CLSTN2: variants seen among roughly 807,000 people sequenced by gnomAD.
CLSTN2 encodes the protein calsyntenin 2.
A neutral mutation model predicts 101.2 loss-of-function variants in CLSTN2; 48 were observed. The ratio of observed to expected loss-of-function variants is 0.47; its 90% confidence interval spans 0.38 to 0.60. The LOEUF is 0.60. Among genes scored for constraint, CLSTN2 ranks in the 20% least tolerant of loss-of-function variants. The pLI, the probability that CLSTN2 is intolerant of heterozygous loss-of-function variation, is 0.00. For synonymous variants in CLSTN2, 481 were observed against 463.6 expected (o/e 1.04, Z -0.48); for missense variants, 1,160 against 1,238.2 (o/e 0.94, Z 0.95).
At chr3:140,082,000 C>T (rs1360069541) in intron 1 of CLSTN2, among the ~76,000 whole-genome samples, 1 of 152,144 alleles carries the variant, frequency 6.6e-6, no homozygotes, top group Non-Finnish European at 1.5e-5. Flanking sequence ...GAGTTAATGT[C>T]AAGCAGGGCA....
chr3:140,148,854 G>A (rs926457829), intron 1 of CLSTN2, among the ~76,000 whole-genome samples: 4 of 152,176 alleles, frequency 2.6e-5, no homozygotes, highest in Admixed American at 2.0e-4. Flanking sequence ...ACTTGGGACT[G>A]TTTCAGATGC....
At chr3:140,287,798 G>A (rs1237441198) in intron 2 of CLSTN2, among the ~76,000 whole-genome samples, 1 of 152,146 alleles carries the variant, frequency 6.6e-6, no homozygotes, top group African/African-American at 2.4e-5. Flanking sequence ...GATGGGCAGA[G>A]CCAGCATTCT....
At chr3:140,208,680 A>AATTCTAAGGTTGC (rs1448094110) in intron 2 of CLSTN2, among the ~76,000 whole-genome samples, 1 of 152,112 alleles carries the variant, frequency 6.6e-6, no homozygotes, top group African/African-American at 2.4e-5. Context: ...TGCAAATTTT[A>AATTCTAAGGTTGC]ATTCTAAGGT....
intron 2 of CLSTN2, among the ~76,000 whole-genome samples, chr3:140,377,211 G>A (rs978194346): frequency 6.6e-6 from 1 of 152,222 alleles, no homozygotes; most frequent in Non-Finnish European, 1.5e-5. Context: ...TTGTGGTGAT[G>A]TTGGTATAAA....
chr3:140,101,904 C>T (rs1476007666), intron 1 of CLSTN2, among the ~76,000 whole-genome samples: 1 of 152,184 alleles, frequency 6.6e-6, no homozygotes, highest in Non-Finnish European at 1.5e-5. Context: ...GACTGCAACT[C>T]AGTTGCAAGG....
intron 2 of CLSTN2, among the ~76,000 whole-genome samples, chr3:140,375,819 C>CT (rs2087911500): frequency 2.0e-5 from 3 of 152,104 alleles, no homozygotes; most frequent in South Asian, 4.2e-4. Context: ...CCTTTATTGT[C>CT]TTTTTTGCTC....
In CLSTN2 at chr3:140,170,128, A is replaced by T. The variant is rs867319480; in HGVS notation, c.110-5823A>T. 5.3e-5 allele frequency among the ~76,000 whole-genome samples: 8 copies of T among 152,332 alleles called. No homozygotes were observed. The South Asian group carries it at 1.0e-3, about 20-fold the overall frequency. On this transcript the variant is annotated intron_variant, in intron 1 of 16. Coordinates refer to ENST00000458420, the MANE Select transcript of CLSTN2 (RefSeq NM_022131.3). ...TGTGATGCAAGCTGTGATCATAGGAACATGATTCAGCCATTTGATGGAGTA... is the reference window on the plus strand; with the variant it reads ...TGTGATGCAAGCTGTGATCATAGGATCATGATTCAGCCATTTGATGGAGTA...
intron 8 of CLSTN2, among the ~76,000 whole-genome samples, chr3:140,497,893 G>T (rs1334435515): frequency 1.3e-5 from 2 of 152,106 alleles, no homozygotes; most frequent in Non-Finnish European, 2.9e-5. Context: ...TCCGGGAGGG[G>T]TCATACAATC....
At chr3:140,421,967 T>C (rs535043990) in intron 5 of CLSTN2, among the ~76,000 whole-genome samples, 98 of 152,312 alleles carry the variant, frequency 6.4e-4, no homozygotes, top group African/African-American at 2.3e-3. Flanking sequence ...GCTTTAGTGG[T>C]GATGCCAATA....
chr3:140,143,314 G>T (rs1307739820), intron 1 of CLSTN2, among the ~76,000 whole-genome samples: 1 of 152,106 alleles, frequency 6.6e-6, no homozygotes, highest in African/African-American at 2.4e-5. Flanking sequence ...GAAAGCTAGT[G>T]GTATAATTCA....
intron 5 of CLSTN2, among the ~76,000 whole-genome samples, chr3:140,422,310 A>G (rs978661159): frequency 2.0e-5 from 3 of 151,956 alleles, no homozygotes; most frequent in African/African-American, 4.8e-5. Context: ...CACCCTATAA[A>G]TCTCTGGTCA....
chr3:140,560,346 C>T lies in CLSTN2; in HGVS notation c.2041+1489C>T, dbSNP rs114741909. Among the ~76,000 whole-genome samples, 1,432 of 152,304 alleles carry T rather than the reference C, an allele frequency of 9.4e-3. 12 individuals are homozygous for T. The highest frequency in any genetic ancestry group is 0.015 in the Non-Finnish European group (1,003 of 68,032). The stretch of plus-strand genomic sequence containing the variant: ...TACCAAAGACAGGAGATTCCCCCAA[C>T]ATGCACACACACACGCCTCCCTCAC... On this transcript the variant is annotated intron_variant, in intron 12 of 16. Coordinates refer to ENST00000458420, the MANE Select transcript of CLSTN2 (RefSeq NM_022131.3).
In CLSTN2 at chr3:140,558,839, G is replaced by A. The variant is rs145894758; in HGVS notation, c.2023G>A (p.Gly675Arg). The change falls in exon 12 of 17, where the codon GGG becomes AGG. Residue 675 changes from glycine (G) to arginine (R), a missense_variant. Physicochemically the swap from Gly to Arg is moderately radical, Grantham distance 125 (BLOSUM62 -2). Coordinates refer to ENST00000458420, the MANE Select transcript of CLSTN2 (RefSeq NM_022131.3). ...CACCTTCGCCAAAACCGAAGCCCCC[G>A]GGGACGTGAAAACCACAGGTACAGG... The part of the protein sequence containing the change: ...VSTFAKTEAP[G>R]DVKTTDPKSE... The A allele has an allele frequency of 1.2e-4, 193 of 1,613,792 alleles. 2 individuals are homozygous for A. The South Asian group carries it at 1.7e-3, about 14-fold the overall frequency.
At chr3:140,268,118 C>T (rs1021745722) in intron 2 of CLSTN2, among the ~76,000 whole-genome samples, 2 of 152,152 alleles carry the variant, frequency 1.3e-5, no homozygotes, top group African/African-American at 4.8e-5. Flanking sequence ...GAACCGCTGG[C>T]TGCCCTCACA....
intron 1 of CLSTN2, among the ~76,000 whole-genome samples, chr3:140,067,523 G>T (rs1399002642): frequency 1.3e-5 from 2 of 152,192 alleles, no homozygotes; most frequent in East Asian, 1.9e-4. Context: ...CCTCGAGAAG[G>T]TCCATTCAAG....
intron 2 of CLSTN2, among the ~76,000 whole-genome samples, chr3:140,353,836 G>A (rs2087637263): frequency 6.6e-6 from 1 of 152,106 alleles, no homozygotes; most frequent in Non-Finnish European, 1.5e-5. Flanking sequence ...AATGCTAGGT[G>A]GTGTTGTCCA....
chr3:140,332,249 C>T (rs570966529), intron 2 of CLSTN2, among the ~76,000 whole-genome samples: 53 of 152,188 alleles, frequency 3.5e-4, no homozygotes, highest in African/African-American at 1.2e-3. Flanking sequence ...TTCAAATATA[C>T]GAGGACAAGA....
intron 2 of CLSTN2, among the ~76,000 whole-genome samples, chr3:140,399,084 C>G (rs1173848588): frequency 6.6e-6 from 1 of 152,240 alleles, no homozygotes; most frequent in Non-Finnish European, 1.5e-5. Context: ...TCCTTTTCCA[C>G]GCAGCCCATG....
At chr3:140,249,680 G>A (rs1277225955) in intron 2 of CLSTN2, among the ~76,000 whole-genome samples, 1 of 152,174 alleles carries the variant, frequency 6.6e-6, no homozygotes, top group Non-Finnish European at 1.5e-5. Context: ...GAGTTAGTTT[G>A]TACTTTAGAC....
Sources: gnomAD v4.1 joint callset for allele counts (sites outside exome capture counted in the v4.1 genomes callset) on GRCh38, gnomAD v4.1.1 for gene constraint, MANE v1.5 for transcripts, NCBI Gene and HGNC (gene_info 2026-07-23, HGNC 2026-07-21) for gene names.